Variants in KIF5C observed in about 807,000 individuals in gnomAD.
KIF5C encodes kinesin family member 5C, also known as kinesin heavy chain isoform 5C.
In KIF5C, 18 loss-of-function variants were observed where a neutral mutation model predicts 125.2. The observed-to-expected ratio is 0.14, with a 90% confidence interval of 0.10 to 0.21. The LOEUF (loss-of-function observed/expected upper bound fraction) is 0.21, where lower values mean the gene tolerates loss of function less well. KIF5C is among the 10% of genes least tolerant of loss of function. KIF5C has a pLI of 1.00. For synonymous variants in KIF5C, 405 were observed against 434.0 expected (o/e 0.93, Z 0.83); for missense variants, 780 against 1,183.8 (o/e 0.66, Z 5.01).
intron 3 of KIF5C, among the ~76,000 whole-genome samples, chr2:148,932,851 CT>C (rs1483949130): frequency 6.6e-6 from 1 of 152,140 alleles, no homozygotes; most frequent in Admixed American, 6.5e-5. Flanking sequence ...AAACTCTGCC[CT>C]GCTTGGGAGG....
intron 1 of KIF5C, chr2:148,885,710 A>G (rs1420495309): frequency 1.1e-4 from 16 of 152,182 alleles, no homozygotes; most frequent in Admixed American, 1.0e-3. Flanking sequence ...TTAAAGAAAA[A>G]CTTTTGAAGG....
At chr2:149,012,177 G>A (rs1263911954) in intron 25 of KIF5C, among the ~76,000 whole-genome samples, 1 of 152,284 alleles carries the variant, frequency 6.6e-6, no homozygotes, top group South Asian at 2.1e-4. Flanking sequence ...ATGAGTCCAG[G>A]ATGCTTTTTT....
At chr2:148,950,205 C>A in intron 9 of KIF5C, 109 bp from the exon 10 acceptor site, 1 of 1,492,494 alleles carries the variant, frequency 6.7e-7, no homozygotes, top group Non-Finnish European at 8.9e-7. Context: ...GCCACAAATT[C>A]TTGTTTTACT....
At chr2:148,887,285 A>G (rs940397495) in intron 1 of KIF5C, among the ~76,000 whole-genome samples, 2 of 152,164 alleles carry the variant, frequency 1.3e-5, no homozygotes, top group Non-Finnish European at 2.9e-5. Flanking sequence ...ATTTAAAATT[A>G]CATGTGTGGC....
intron 10 of KIF5C, among the ~76,000 whole-genome samples, chr2:148,951,392 C>T (rs184458510): frequency 3.9e-5 from 6 of 152,214 alleles, no homozygotes; most frequent in South Asian, 4.1e-4. Flanking sequence ...ACTCCATAAT[C>T]GTAAAGCAAG....
In KIF5C at chr2:149,024,040, T is replaced by G. The variant is rs917901789; in HGVS notation, c.*970T>G. 5.3e-5 allele frequency: 8 copies of G among 152,192 alleles called. No individual in the cohort carries two copies. The highest frequency in any genetic ancestry group is 1.2e-4 in the Non-Finnish European group (8 of 68,024). The allele number at this position is 152,192 out of a possible 1,614,324, so 9.4% of individuals were successfully genotyped here. A position where few individuals can be genotyped will look rare whatever the true frequency, so the allele number is the denominator to read the frequency against. On this transcript the variant is annotated 3_prime_UTR_variant, in exon 26 of 26. Transcript: ENST00000435030. Reference sequence around the variant, plus strand: ...CTTCGGGAGAAAGTGCTTGTCAAAATTTTGTTCTTTGTGCTTGTGTATGAG... The same window carrying G: ...CTTCGGGAGAAAGTGCTTGTCAAAAGTTTGTTCTTTGTGCTTGTGTATGAG...
chr2:148,936,640 A>C (rs1380187473), intron 3 of KIF5C, among the ~76,000 whole-genome samples: 5 of 152,232 alleles, frequency 3.3e-5, no homozygotes, highest in African/African-American at 9.6e-5. Flanking sequence ...TAAAGTAGAA[A>C]AGCGGGGAAA....
At chr2:148,881,447 T>A (rs1435092096) in intron 1 of KIF5C, among the ~76,000 whole-genome samples, 1 of 152,190 alleles carries the variant, frequency 6.6e-6, no homozygotes, top group African/African-American at 2.4e-5. Flanking sequence ...ATTAAATTTT[T>A]GTCTCCTTTA....
At chr2:148,951,229 AAAG>A (rs1487788027) in intron 10 of KIF5C, among the ~76,000 whole-genome samples, 14 of 152,200 alleles carry the variant, frequency 9.2e-5, no homozygotes, top group African/African-American at 3.1e-4. Flanking sequence ...TATAAAAGGA[AAAG>A]AAGGGGAAGG....
Position 148,998,402 on chromosome 2 carries a change from G to A in KIF5C, c.2103G>A (p.Lys701=), listed in dbSNP as rs956609853. Reference sequence around the variant, plus strand: ...GTTTCTCTTGGCCTGGGATGCAGAAGGCGCTGGAGCAGCAGATGGAGAGCC... The same window carrying A: ...GTTTCTCTTGGCCTGGGATGCAGAAAGCGCTGGAGCAGCAGATGGAGAGCC... ...TRLQDAEEMK[K]ALEQQMESHR... is the part of the protein sequence containing the mutation. The change falls in exon 19 of 26, where the codon AAG becomes AAA. Residue 701 remains lysine, a splice_region_variant and synonymous_variant. Transcript: ENST00000435030. The A allele has an allele frequency of 3.2e-6, 5 of 1,559,764 alleles. No individual in the cohort carries two copies. In the African/African-American group the frequency reaches 5.4e-5, roughly 17 times the overall value.
At position 148,962,840 on chromosome 2, in the gene KIF5C, T is replaced by C. The variant is rs970413339; in HGVS notation, c.1117+721T>C. On this transcript the variant is annotated intron_variant, in intron 11 of 25. Coordinates refer to ENST00000435030, the MANE Select transcript of KIF5C (RefSeq NM_004522.3). ...TCATTCTCTCCTATGTGAGTTTTATTACTGGTTTGGGGTTAAAAGTCTACC... is the reference window on the plus strand; with the variant it reads ...TCATTCTCTCCTATGTGAGTTTTATCACTGGTTTGGGGTTAAAAGTCTACC... Among the ~76,000 whole-genome samples the C allele has an allele frequency of 6.3e-4, 96 of 152,242 alleles. 1 individual carries two copies. The highest frequency in any genetic ancestry group is 2.3e-3 in the African/African-American group (95 of 41,464).
chr2:149,002,176 G>T (rs1239201199), intron 21 of KIF5C, among the ~76,000 whole-genome samples: 1 of 152,186 alleles, frequency 6.6e-6, no homozygotes, highest in Non-Finnish European at 1.5e-5. Flanking sequence ...GAAAAATATT[G>T]AACATTAAAA....
intron 10 of KIF5C, among the ~76,000 whole-genome samples, chr2:148,958,576 T>C (rs2105125935): frequency 6.6e-6 from 1 of 152,352 alleles, no homozygotes; most frequent in Admixed American, 6.5e-5. Context: ...GTATTTTATA[T>C]ATCTTCTCCC....
chr2:148,982,999 A>G (rs536953295), intron 14 of KIF5C, among the ~76,000 whole-genome samples: 4 of 152,264 alleles, frequency 2.6e-5, no homozygotes, highest in Non-Finnish European at 2.9e-5. Context: ...AAGTTTGACA[A>G]GAAAATAGAG....
intron 11 of KIF5C, 93 bp downstream of exon 11, chr2:148,962,212 C>A: frequency 6.8e-7 from 1 of 1,468,506 alleles, no homozygotes. Flanking sequence ...GTCACTCAGG[C>A]TGGAGTGCAG....
chr2:148,890,849 G>A (rs1259805830), intron 1 of KIF5C, among the ~76,000 whole-genome samples: 1 of 152,070 alleles, frequency 6.6e-6, no homozygotes. Context: ...CAACTGTTAC[G>A]TGTTCTTGAC....
chr2:148,985,515 G>C (rs1681357180), intron 15 of KIF5C, among the ~76,000 whole-genome samples: 1 of 152,108 alleles, frequency 6.6e-6, no homozygotes, highest in Non-Finnish European at 1.5e-5. Flanking sequence ...ACAATGTTTT[G>C]ATCACCATAG....
At chr2:148,897,502 A>T (rs943869998) in intron 1 of KIF5C, among the ~76,000 whole-genome samples, 1 of 152,216 alleles carries the variant, frequency 6.6e-6, no homozygotes, top group Admixed American at 6.5e-5. Context: ...AGTATGCGAT[A>T]TTTATTAATG....
chr2:148,974,387 C>G (rs1681003320), intron 12 of KIF5C, among the ~76,000 whole-genome samples: 1 of 152,154 alleles, frequency 6.6e-6, no homozygotes. Context: ...TGCCATTAAT[C>G]TTACAGGCTT....
Sources: gnomAD v4.1 joint callset for allele counts (sites outside exome capture counted in the v4.1 genomes callset) on GRCh38, gnomAD v4.1.1 for gene constraint, MANE v1.5 for transcripts, NCBI Gene and HGNC (gene_info 2026-07-23, HGNC 2026-07-21) for gene names.